EIF4G3: variants seen among roughly 807,000 people sequenced by gnomAD.
EIF4G3 encodes eukaryotic translation initiation factor 4 gamma 3.
EIF4G3 carries 34 observed loss-of-function variants against 186.4 expected under a neutral mutation model. The ratio of observed to expected loss-of-function variants is 0.18; its 90% confidence interval spans 0.14 to 0.24. The LOEUF is 0.24. Ranked by LOEUF, EIF4G3 falls within the 10% of genes least tolerant of loss-of-function variation. EIF4G3 has a pLI of 1.00. For missense variants in EIF4G3, 1,536 were observed against 1,948.5 expected (o/e 0.79, Z 3.99); for synonymous variants, 673 against 679.5 (o/e 0.99, Z 0.15).
chr1:21,064,122 A>G (rs995721751), intron 3 of EIF4G3, among the ~76,000 whole-genome samples: 1 of 152,198 alleles, frequency 6.6e-6, no homozygotes, highest in East Asian at 1.9e-4. Flanking sequence ...GCAGTGAGGT[A>G]TCCAGACTGT....
intron 2 of EIF4G3, among the ~76,000 whole-genome samples, chr1:21,101,621 G>A (rs1212641677): frequency 0.018 from 509 of 28,342 alleles, no homozygotes; most frequent in Middle Eastern, 0.029. Context: ...AAGGAACAAA[G>A]AAAGAAAGGA....
intron 13 of EIF4G3, among the ~76,000 whole-genome samples, chr1:20,947,749 T>G (rs534968087): frequency 4.3e-4 from 66 of 152,282 alleles, no homozygotes; most frequent in Non-Finnish European, 5.3e-4. Context: ...TACTACAAGT[T>G]TTTCTTTTCA....
intron 18 of EIF4G3, among the ~76,000 whole-genome samples, chr1:20,892,174 G>T (rs1280458495): frequency 6.6e-6 from 1 of 152,198 alleles, no homozygotes; most frequent in Admixed American, 6.5e-5. Flanking sequence ...GAAATAAAAA[G>T]GTGATGCGGA....
intron 14 of EIF4G3, among the ~76,000 whole-genome samples, chr1:20,934,800 A>C (rs2095465374): frequency 6.6e-6 from 1 of 152,100 alleles, no homozygotes; most frequent in African/African-American, 2.4e-5. Flanking sequence ...AAAATCACAG[A>C]TTTTGTACAG....
At chr1:20,867,224 C>CT (rs148194346) in intron 20 of EIF4G3, among the ~76,000 whole-genome samples, 16 of 152,312 alleles carry the variant, frequency 1.1e-4, no homozygotes, top group African/African-American at 3.8e-4. Flanking sequence ...CATGGAAGCA[C>CT]TTTAATAAGC....
chr1:21,095,427 T>A (rs1038098429), intron 2 of EIF4G3, among the ~76,000 whole-genome samples: 4 of 152,128 alleles, frequency 2.6e-5, no homozygotes, highest in African/African-American at 9.7e-5. Context: ...TGATCTCACC[T>A]CACTCACCAG....
At chr1:21,043,021 C>A (rs1436476791) in intron 4 of EIF4G3, among the ~76,000 whole-genome samples, 2 of 152,090 alleles carry the variant, frequency 1.3e-5, no homozygotes, top group East Asian at 3.8e-4. Context: ...TCCCCCAAAT[C>A]TGTGGGAAAT....
chr1:20,993,963 T>C (rs1226652437), intron 7 of EIF4G3, among the ~76,000 whole-genome samples: 3 of 152,252 alleles, frequency 2.0e-5, no homozygotes, highest in African/African-American at 7.2e-5. Flanking sequence ...AGGTGCTACC[T>C]GACTTTAGAT....
At chr1:20,984,381 G>C (rs1378471705) in intron 7 of EIF4G3, among the ~76,000 whole-genome samples, 3 of 151,880 alleles carry the variant, frequency 2.0e-5, no homozygotes, top group Non-Finnish European at 4.4e-5. Context: ...GGCCAGGCTG[G>C]TCTCGAATAC....
At chr1:21,025,383 G>T (rs1371882459) in intron 4 of EIF4G3, among the ~76,000 whole-genome samples, 2 of 152,006 alleles carry the variant, frequency 1.3e-5, no homozygotes, top group Admixed American at 6.6e-5. Context: ...TATCAAACAG[G>T]GATCTATTCC....
chr1:21,057,030 G>A (rs2094592546), intron 3 of EIF4G3, among the ~76,000 whole-genome samples: 1 of 152,098 alleles, frequency 6.6e-6, no homozygotes, highest in South Asian at 2.1e-4. Context: ...GTAACAATGT[G>A]GGGCTTCCAA....
intron 3 of EIF4G3, among the ~76,000 whole-genome samples, chr1:21,079,188 T>C (rs2095685330): frequency 6.6e-6 from 1 of 152,136 alleles, no homozygotes; most frequent in Admixed American, 6.6e-5. Flanking sequence ...TAAAGAATAT[T>C]GATCAACCCA....
chr1:20,830,465 T>G (rs1228293518), intron 30 of EIF4G3, among the ~76,000 whole-genome samples: 1 of 152,192 alleles, frequency 6.6e-6, no homozygotes, highest in Non-Finnish European at 1.5e-5. Context: ...AATTGCAGGT[T>G]CTCTCATTAT....
chr1:21,126,499 A>G (rs1244970142), intron 2 of EIF4G3, among the ~76,000 whole-genome samples: 1 of 152,096 alleles, frequency 6.6e-6, no homozygotes. Flanking sequence ...CATCTCTACA[A>G]AAAGTAAACA....
intron 34 of EIF4G3, among the ~76,000 whole-genome samples, chr1:20,815,266 C>T (rs2060288604): frequency 1.1e-5 from 1 of 87,926 alleles, no homozygotes; most frequent in South Asian, 5.5e-4. Flanking sequence ...GTGAGGAGCC[C>T]CTCTGCCTGG....
At chr1:20,882,641 A>AAAAAAAAAC (rs2082760590) in intron 19 of EIF4G3, among the ~76,000 whole-genome samples, 1 of 146,722 alleles carries the variant, frequency 6.8e-6, no homozygotes. Flanking sequence ...AAAAAAAAAC[A>AAAAAAAAAC]AAAAAAAATT....
chr1:20,864,743 G>T, intron 21 of EIF4G3, 31 bp from the exon 22 acceptor site: 1 of 1,552,742 alleles, frequency 6.4e-7, no homozygotes, highest in South Asian at 1.1e-5. Context: ...ATAGCATCTT[G>T]ATGATGAAAG....
chr1:21,094,091 TAAAGTA>T (rs1180098082), intron 2 of EIF4G3, among the ~76,000 whole-genome samples: 5 of 151,650 alleles, frequency 3.3e-5, no homozygotes, highest in Admixed American at 6.6e-5. Context: ...CCCTAAAACT[TAAAGTA>T]TAATAAAAAA....
chr1:20,941,234 A>C, intron 14 of EIF4G3: 1 of 1,535,860 alleles, frequency 6.5e-7, no homozygotes, highest in Non-Finnish European at 8.8e-7. Flanking sequence ...CAACAACAAA[A>C]CCCAACATGT....
Sources: gnomAD v4.1 joint callset for allele counts (sites outside exome capture counted in the v4.1 genomes callset) on GRCh38, gnomAD v4.1.1 for gene constraint, MANE v1.5 for transcripts, NCBI Gene and HGNC (gene_info 2026-07-23, HGNC 2026-07-21) for gene names.